CCDC148: variants seen among roughly 807,000 people sequenced by gnomAD.
The protein encoded by CCDC148 is coiled-coil domain containing 148.
Under a neutral mutation model 85.7 loss-of-function variants are expected in CCDC148, and 89 were observed. The ratio of observed to expected loss-of-function variants is 1.04; its 90% confidence interval spans 0.87 to 1.24. CCDC148 has a LOEUF of 1.24. Among genes scored for constraint, CCDC148 ranks in the 50% most tolerant of loss-of-function variants. CCDC148 has a pLI of 0.00. For missense variants in CCDC148, 692 were observed against 671.7 expected, an observed-to-expected ratio of 1.03 and a Z score of -0.33; for synonymous variants, 230 against 213.9, an observed-to-expected ratio of 1.08 and a Z score of -0.66.
intron 9 of CCDC148, among the ~76,000 whole-genome samples, chr2:158,298,341 G>A (rs1040318527): frequency 1.3e-5 from 2 of 152,026 alleles, no homozygotes; most frequent in Non-Finnish European, 2.9e-5. Context: ...TTTTTGGTGT[G>A]TTTGTCTACT....
intron 11 of CCDC148, among the ~76,000 whole-genome samples, chr2:158,183,675 A>G (rs1685016966): frequency 6.6e-6 from 1 of 152,170 alleles, no homozygotes; most frequent in African/African-American, 2.4e-5. Flanking sequence ...CATTTCAGGC[A>G]AGTAATTTGC....
chr2:158,434,359 G>C (rs754504152), intron 1 of CCDC148, among the ~76,000 whole-genome samples: 1 of 152,066 alleles, frequency 6.6e-6, no homozygotes, highest in Admixed American at 6.6e-5. Flanking sequence ...AAGCAAACAG[G>C]GTCTGGAGTG....
chr2:158,198,757 T>G (rs1023994542), intron 11 of CCDC148, among the ~76,000 whole-genome samples: 4 of 152,204 alleles, frequency 2.6e-5, no homozygotes, highest in African/African-American at 9.6e-5. Context: ...GAACTGAGTT[T>G]AAATTTATCT....
intron 1 of CCDC148, among the ~76,000 whole-genome samples, chr2:158,406,982 G>A (rs1193907039): frequency 6.6e-6 from 1 of 152,014 alleles, no homozygotes; most frequent in Non-Finnish European, 1.5e-5. Flanking sequence ...ATTAATACAA[G>A]TGTGGCTTCT....
rs78540722 is a variant in CCDC148 at position 158,273,231 on chromosome 2, G to T, written c.1111-22319C>A. 9.9e-4 allele frequency among the ~76,000 whole-genome samples: 151 copies of T among 152,198 alleles called. 2 individuals are homozygous for T. The East Asian group carries it at 0.028, about 28-fold the overall frequency. ...CATCAAGCTAAAAGAAGATGAAGAT[G>T]GGTTAAAAGTCTATATTTTGGTGAT... On this transcript the variant is annotated intron_variant, in intron 9 of 13. Coordinates refer to ENST00000283233, the MANE Select transcript of CCDC148 (RefSeq NM_138803.4).
At chr2:158,417,322 G>A (rs1271810948) in intron 1 of CCDC148, among the ~76,000 whole-genome samples, 2 of 152,178 alleles carry the variant, frequency 1.3e-5, no homozygotes, top group Non-Finnish European at 2.9e-5. Context: ...TGGTGGCCCT[G>A]GAAGTGTACC....
At chr2:158,229,704 C>T (rs1248713504) in intron 10 of CCDC148, among the ~76,000 whole-genome samples, 1 of 152,154 alleles carries the variant, frequency 6.6e-6, no homozygotes, top group African/African-American at 2.4e-5. Context: ...GGCTGCAGAT[C>T]CCATTCCCAA....
intron 1 of CCDC148, among the ~76,000 whole-genome samples, chr2:158,393,042 G>A (rs1685379444): frequency 6.6e-6 from 1 of 150,958 alleles, no homozygotes; most frequent in Non-Finnish European, 1.5e-5. Context: ...ATCTTGTGAA[G>A]GTAGTTTTAG....
intron 1 of CCDC148, among the ~76,000 whole-genome samples, chr2:158,443,627 A>G (rs1455872089): frequency 6.6e-6 from 1 of 152,194 alleles, no homozygotes; most frequent in Non-Finnish European, 1.5e-5. Flanking sequence ...GGCTATAGCA[A>G]TGTGATAAAC....
chr2:158,379,618 TTG>T lies in CCDC148; in HGVS notation c.26-21050_26-21049del, dbSNP rs547139101. ...TTCACTGTTGTCTTCCTTTAAAAAA[TTG>T]TCTCAGCTACCCCAACCTTCCTCAG... On this transcript the variant is annotated intron_variant, in intron 1 of 13. Transcript: ENST00000283233. Among the ~76,000 whole-genome samples, 678 of 152,068 alleles carry T rather than the reference TTG, an allele frequency of 4.5e-3. 3 individuals are homozygous for T. Among genetic ancestry groups the T allele is most frequent in the South Asian group, 0.021 (101 of 4,818 alleles).
intron 1 of CCDC148, among the ~76,000 whole-genome samples, chr2:158,384,373 G>C (rs1684999814): frequency 6.6e-6 from 1 of 152,138 alleles, no homozygotes; most frequent in African/African-American, 2.4e-5. Flanking sequence ...ATGTCAAATT[G>C]TAATCCCCAG....
intron 1 of CCDC148, among the ~76,000 whole-genome samples, chr2:158,415,340 G>A (rs768934963): frequency 4.6e-5 from 7 of 152,008 alleles, no homozygotes; most frequent in Non-Finnish European, 7.4e-5. Flanking sequence ...ACTATCATGA[G>A]AACAGCAAGG....
chr2:158,247,778 C>T (rs988861703), intron 10 of CCDC148, among the ~76,000 whole-genome samples: 1 of 152,104 alleles, frequency 6.6e-6, no homozygotes, highest in Non-Finnish European at 1.5e-5. Context: ...ATCACTTGAA[C>T]CCTGGAGGCA....
intron 8 of CCDC148, among the ~76,000 whole-genome samples, chr2:158,310,070 A>AGG (rs1691903184): frequency 6.6e-6 from 1 of 152,212 alleles, no homozygotes; most frequent in Non-Finnish European, 1.5e-5. Context: ...AGGACCCTGC[A>AGG]GCCTTCCACA....
At chr2:158,328,772 G>A (rs1287793970) in intron 7 of CCDC148, among the ~76,000 whole-genome samples, 1 of 152,214 alleles carries the variant, frequency 6.6e-6, no homozygotes, top group Non-Finnish European at 1.5e-5. Context: ...CAGTGATGAT[G>A]AGCATTTTTT....
chr2:158,438,493 T>G (rs1324314103), intron 1 of CCDC148, among the ~76,000 whole-genome samples: 3 of 152,178 alleles, frequency 2.0e-5, no homozygotes, highest in African/African-American at 7.2e-5. Context: ...ATTAAAGACT[T>G]GAAGGTTAGA....
intron 1 of CCDC148, among the ~76,000 whole-genome samples, chr2:158,400,717 T>C (rs1312301140): frequency 6.6e-6 from 1 of 152,058 alleles, no homozygotes; most frequent in Non-Finnish European, 1.5e-5. Context: ...TGGGATCTAA[T>C]TAAAATAAAG....
intron 7 of CCDC148, 55 bp from the exon 8 acceptor site, chr2:158,313,949 G>A (rs1692164143): frequency 6.5e-7 from 1 of 1,542,996 alleles, no homozygotes; most frequent in Non-Finnish European, 8.8e-7. Context: ...AAATTTGAGG[G>A]ACTCAAACTG....
chr2:158,382,783 T>C (rs1255170924), intron 1 of CCDC148, among the ~76,000 whole-genome samples: 1 of 148,970 alleles, frequency 6.7e-6, no homozygotes, highest in East Asian at 2.0e-4. Context: ...TAGCTGGGCA[T>C]GGTGGCAGAC....
Sources: allele counts gnomAD v4.1 joint callset (sites outside exome capture counted in the v4.1 genomes callset), GRCh38; gene constraint gnomAD v4.1.1; transcripts MANE v1.5; gene names NCBI Gene and HGNC (gene_info 2026-07-23, HGNC 2026-07-21).